The following PLXNA4 variants were observed in gnomAD, a reference collection of about 807,000 sequenced individuals.
PLXNA4 encodes the protein plexin-A4.
Under a neutral mutation model 191.8 loss-of-function variants are expected in PLXNA4, and 44 were observed. The observed-to-expected ratio is 0.23, with a 90% confidence interval of 0.18 to 0.29. The LOEUF (loss-of-function observed/expected upper bound fraction) is 0.29. Among genes scored for constraint, PLXNA4 ranks in the 10% least tolerant of loss-of-function variants. The pLI is 1.00. For missense variants in PLXNA4, 1,800 were observed against 2,488.8 expected, an observed-to-expected ratio of 0.72 and a Z score of 5.89; for synonymous variants, 1,082 against 1,009.5, an observed-to-expected ratio of 1.07 and a Z score of -1.36.
intron 3 of PLXNA4, among the ~76,000 whole-genome samples, chr7:132,330,377 T>G (rs1403120877): frequency 2.0e-5 from 3 of 152,122 alleles, no homozygotes. Flanking sequence ...GAATCAGGAT[T>G]TCAAGCCTTT....
upstream of PLXNA4, chr7:132,576,534 G>T (rs1289465333): frequency 5.1e-6 from 5 of 985,800 alleles, no homozygotes; most frequent in Non-Finnish European, 4.8e-6. The surrounding 1 kb of genome is among the most constrained non-coding windows in gnomAD (Gnocchi z 5.8). Flanking sequence ...CGCGCGTGTG[G>T]CTGCCTCCTC....
At chr7:132,536,032 AT>A (rs1223379975) in intron 1 of PLXNA4, among the ~76,000 whole-genome samples, 1 of 152,254 alleles carries the variant, frequency 6.6e-6, no homozygotes. Flanking sequence ...GCAATTGGGC[AT>A]GCCAAACTTG....
intron 2 of PLXNA4, among the ~76,000 whole-genome samples, chr7:132,593,923 C>T (rs1006665684): frequency 6.6e-6 from 1 of 152,204 alleles, no homozygotes; most frequent in Non-Finnish European, 1.5e-5. Context: ...TTGTTCAGCC[C>T]GAGCATCAGG....
intron 4 of PLXNA4, among the ~76,000 whole-genome samples, chr7:132,276,552 C>G (rs944544859): frequency 6.6e-6 from 1 of 152,052 alleles, no homozygotes; most frequent in Admixed American, 6.6e-5. Flanking sequence ...GCAGCTTATT[C>G]ATGAACTGCA....
chr7:132,298,772 T>C (rs1052197002), intron 3 of PLXNA4, among the ~76,000 whole-genome samples: 3 of 152,258 alleles, frequency 2.0e-5, no homozygotes, highest in African/African-American at 4.8e-5. Flanking sequence ...CTTATACTTA[T>C]ACCATTAGGT....
intron 3 of PLXNA4, among the ~76,000 whole-genome samples, chr7:132,397,548 C>T (rs142089338): frequency 2.3e-4 from 35 of 152,318 alleles, no homozygotes; most frequent in Middle Eastern, 6.8e-3. Flanking sequence ...GAGCAGATAT[C>T]AGCTTCCCCC....
intron 3 of PLXNA4, among the ~76,000 whole-genome samples, chr7:132,455,930 A>AAT (rs1397944385): frequency 6.6e-6 from 1 of 152,150 alleles, no homozygotes; most frequent in Non-Finnish European, 1.5e-5. Flanking sequence ...AGTTGTCAGG[A>AAT]GAATGCAGGT....
chr7:132,459,879 A>G (rs930343115), intron 3 of PLXNA4, among the ~76,000 whole-genome samples: 1 of 152,202 alleles, frequency 6.6e-6, no homozygotes, highest in African/African-American at 2.4e-5. Context: ...CTAAATTGTG[A>G]AAATATCTGA....
rs571739728 is a variant in PLXNA4 at position 132,128,345 on chromosome 7, G to A, written c.*2134C>T. The A allele has an allele frequency of 1.8e-4, 28 of 152,186 alleles. No individual in the cohort carries two copies. Among genetic ancestry groups the A allele is most frequent in the African/African-American group, 6.7e-4 (28 of 41,520 alleles). The allele number at this position is 152,186 out of a possible 1,614,324, so 9.4% of individuals were successfully genotyped here. On this transcript the variant is annotated 3_prime_UTR_variant, in exon 32 of 32. Coordinates refer to ENST00000321063, the MANE Select transcript of PLXNA4 (RefSeq NM_020911.2). ...TTCCTCTTCCCATTAGGTTGCTCAT[G>A]TCTTTTCCACCATCTGTCCTCTGCG... is the stretch of plus-strand genomic sequence containing the variant.
At chr7:132,401,757 A>C (rs1304830154) in intron 3 of PLXNA4, among the ~76,000 whole-genome samples, 1 of 152,162 alleles carries the variant, frequency 6.6e-6, no homozygotes, top group Non-Finnish European at 1.5e-5. Flanking sequence ...AAGATGGATA[A>C]AACTTTTCAT....
intron 3 of PLXNA4, among the ~76,000 whole-genome samples, chr7:132,377,231 G>A (rs62466421): frequency 0.08 from 12,138 of 152,014 alleles, 511 homozygotes; most frequent in African/African-American, 0.091. Flanking sequence ...AGATTCCCAA[G>A]TAAATAACTT....
intron 1 of PLXNA4, among the ~76,000 whole-genome samples, chr7:132,558,674 G>A (rs578001003): frequency 2.0e-5 from 3 of 152,272 alleles, no homozygotes; most frequent in South Asian, 4.2e-4. Context: ...CCCAACAATC[G>A]GCCTGGGGCC....
At chr7:132,172,443 T>C (rs979674680) in intron 21 of PLXNA4, among the ~76,000 whole-genome samples, 1 of 152,262 alleles carries the variant, frequency 6.6e-6, no homozygotes, top group African/African-American at 2.4e-5. Flanking sequence ...AGAGGACACC[T>C]CCTTCTTCAC....
intron 3 of PLXNA4, chr7:132,385,053 A>C: frequency 6.7e-7 from 1 of 1,488,584 alleles, no homozygotes. Flanking sequence ...TTCCCTAAGG[A>C]CTTGGGGTGG....
intron 3 of PLXNA4, among the ~76,000 whole-genome samples, chr7:132,391,029 C>T (rs2116991446): frequency 6.6e-6 from 1 of 152,294 alleles, no homozygotes; most frequent in South Asian, 2.1e-4. Context: ...AGGGAGTTTC[C>T]CTTTTGCCCC....
At chr7:132,583,368 G>A (rs568204492) in intron 2 of PLXNA4, among the ~76,000 whole-genome samples, 12 of 152,278 alleles carry the variant, frequency 7.9e-5, no homozygotes, top group African/African-American at 2.9e-4. Flanking sequence ...AGTAAAAAGA[G>A]ACTAGAAGCG....
chr7:132,244,360 C>A (rs928171278), intron 4 of PLXNA4, among the ~76,000 whole-genome samples: 1 of 152,230 alleles, frequency 6.6e-6, no homozygotes. Flanking sequence ...ACCAGGTCTA[C>A]CTTCAAGAAA....
At chr7:132,601,637 T>C (rs1043354134) in intron 2 of PLXNA4, among the ~76,000 whole-genome samples, 3 of 152,346 alleles carry the variant, frequency 2.0e-5, no homozygotes, top group African/African-American at 7.2e-5. Context: ...CCTGGGTTCC[T>C]TGTACCCGGA....
intron 3 of PLXNA4, among the ~76,000 whole-genome samples, chr7:132,443,106 C>A (rs948112536): frequency 4.6e-5 from 7 of 152,224 alleles, no homozygotes; most frequent in African/African-American, 1.7e-4. Context: ...CCTCTCCATG[C>A]TTTTCCCACT....
Sources: allele counts gnomAD v4.1 joint callset (sites outside exome capture counted in the v4.1 genomes callset), GRCh38; gene constraint gnomAD v4.1.1; non-coding constraint Gnocchi (gnomAD v3.1); transcripts MANE v1.5; gene names NCBI Gene and HGNC (gene_info 2026-07-23, HGNC 2026-07-21).